Variants in IRS1 observed in about 807,000 individuals in gnomAD.
IRS1 encodes the protein insulin receptor substrate 1.
Under a neutral mutation model 65.6 loss-of-function variants are expected in IRS1, and 34 were observed. The observed-to-expected ratio is 0.52, with a 90% confidence interval of 0.39 to 0.69. The LOEUF (loss-of-function observed/expected upper bound fraction) is 0.69. IRS1 is among the 30% of genes least tolerant of loss of function. The pLI is 0.00. For missense variants in IRS1, 1,641 were observed against 1,720.2 expected (o/e 0.95, Z 0.81); for synonymous variants, 699 against 683.5 (o/e 1.02, Z -0.35).
intron 1 of IRS1, among the ~76,000 whole-genome samples, chr2:226,769,409 G>A (rs562466361): frequency 7.2e-5 from 11 of 152,246 alleles, no homozygotes; most frequent in South Asian, 2.1e-4. Context: ...AAGACTGCCC[G>A]GAGTGTCTTC....
intron 1 of IRS1, among the ~76,000 whole-genome samples, chr2:226,764,138 C>T (rs752962226): frequency 8.6e-5 from 13 of 151,836 alleles, no homozygotes; most frequent in Non-Finnish European, 1.8e-4. Flanking sequence ...TCCCCCCATA[C>T]TAGATTTCCT....
Position 226,735,297 on chromosome 2 carries a change from C to A in IRS1, c.*975G>T, listed in dbSNP as rs1938304415. 6.6e-6 allele frequency: 1 copy of A among 152,138 alleles called. No individual in the cohort carries two copies. The highest frequency in any genetic ancestry group is 2.1e-4 in the South Asian group (1 of 4,830). The allele number at this position is 152,138 out of a possible 1,614,324, so 9.4% of individuals were successfully genotyped here. ...TTTACAAACGCCCACATTGTTCATTCCAAAGAGAGCTTTTGAATTGAAGGA... is the reference window on the plus strand; with the variant it reads ...TTTACAAACGCCCACATTGTTCATTACAAAGAGAGCTTTTGAATTGAAGGA... On this transcript the variant is annotated 3_prime_UTR_variant, in exon 2 of 2. Coordinates refer to ENST00000305123, the MANE Select transcript of IRS1 (RefSeq NM_005544.3).
intron 1 of IRS1, among the ~76,000 whole-genome samples, chr2:226,786,648 A>C (rs888436002): frequency 4.6e-5 from 7 of 151,240 alleles, no homozygotes; most frequent in African/African-American, 1.7e-4. Flanking sequence ...TAAAAAAAAA[A>C]AAACAAAAAC....
intron 1 of IRS1, among the ~76,000 whole-genome samples, chr2:226,777,739 A>G (rs939701888): frequency 3.3e-5 from 5 of 152,178 alleles, no homozygotes; most frequent in African/African-American, 1.2e-4. Flanking sequence ...GCCTGCTTCC[A>G]TCCACATAAG....
At chr2:226,786,559 A>T (rs10498212) in intron 1 of IRS1, among the ~76,000 whole-genome samples, 15,888 of 151,814 alleles carry the variant, frequency 0.1, 1,052 homozygotes, top group South Asian at 0.24. Context: ...GGAAAGATAA[A>T]CAAAACCCAG....
chr2:226,764,771 G>A lies in IRS1; in HGVS notation c.*22-28521C>T, dbSNP rs142812650. ...CGCGCAATTCACCTCTTGGGTTGCC[G>A]TCGTCAAGGTTTGATTGCTCATCTA... On this transcript the variant is annotated intron_variant, in intron 1 of 1. Transcript: ENST00000305123. Among the ~76,000 whole-genome samples the A allele has an allele frequency of 1.8e-3, 277 of 152,288 alleles. 1 individual carries two copies. The highest frequency in any genetic ancestry group is 2.3e-3 in the Non-Finnish European group (157 of 68,026).
intron 1 of IRS1, among the ~76,000 whole-genome samples, chr2:226,788,193 A>G (rs1250794795): frequency 6.6e-6 from 1 of 152,142 alleles, no homozygotes; most frequent in African/African-American, 2.4e-5. Context: ...TGTAATATGC[A>G]ATATTTATAA....
At chr2:226,793,877 G>A (rs1196842592) in intron 1 of IRS1, among the ~76,000 whole-genome samples, 1 of 152,136 alleles carries the variant, frequency 6.6e-6, no homozygotes, top group Non-Finnish European at 1.5e-5. Flanking sequence ...ACGAAGGGCA[G>A]GCTAATTTCC....
chr2:226,767,180 T>A (rs1389063772), intron 1 of IRS1, among the ~76,000 whole-genome samples: 1 of 152,206 alleles, frequency 6.6e-6, no homozygotes, highest in Non-Finnish European at 1.5e-5. Context: ...AGGATTAAAA[T>A]GAACTAATAC....
chr2:226,757,332 G>A (rs1166854665), intron 1 of IRS1, among the ~76,000 whole-genome samples: 1 of 152,148 alleles, frequency 6.6e-6, no homozygotes, highest in Non-Finnish European at 1.5e-5. Flanking sequence ...AGTCTTGTGA[G>A]GCTGAGGCAC....
chr2:226,782,147 TA>T (rs747586459), intron 1 of IRS1, among the ~76,000 whole-genome samples: 2 of 151,732 alleles, frequency 1.3e-5, no homozygotes, highest in Admixed American at 6.6e-5. Flanking sequence ...AAGGGTGGGT[TA>T]GGGGGGTGGA....
In IRS1 at chr2:226,735,991, T is replaced by G. The variant is rs948171811; in HGVS notation, c.*281A>C. On this transcript the variant is annotated 3_prime_UTR_variant, in exon 2 of 2. Coordinates refer to ENST00000305123, the MANE Select transcript of IRS1 (RefSeq NM_005544.3). Reference sequence around the variant, plus strand: ...AGCTCACTGTGGCCAGCTAAGTCCTTAAGGTTGAAGATGAAGTTTATGCAG... The same window carrying G: ...AGCTCACTGTGGCCAGCTAAGTCCTGAAGGTTGAAGATGAAGTTTATGCAG... 2.0e-5 allele frequency: 3 copies of G among 152,470 alleles called. No individual in the cohort carries two copies. The highest frequency in any genetic ancestry group is 7.2e-5 in the African/African-American group (3 of 41,388). 9.4% of individuals were successfully genotyped at this position (152,470 alleles called of 1,614,324 possible).
rs544800241 is a variant in IRS1 at position 226,775,685 on chromosome 2, G to T, written c.*21+19304C>A. On this transcript the variant is annotated intron_variant, in intron 1 of 1. Transcript: ENST00000305123. ...AGTTTCCAATATAATTGTCCATCAG[G>T]TATCTGTGGGGGATTGGTTTCAGGA... Among the ~76,000 whole-genome samples the T allele has an allele frequency of 2.7e-4, 41 of 152,282 alleles. No homozygotes were observed. The South Asian group carries it at 8.3e-3, about 31-fold the overall frequency.
In IRS1 at chr2:226,799,510, A is replaced by T; in HGVS notation, c.-772T>A. The T allele has an allele frequency of 8.8e-7, 1 of 1,132,198 alleles. No homozygotes were observed. Among genetic ancestry groups the T allele is most frequent in the Non-Finnish European group, 1.1e-6 (1 of 904,194 alleles). 70.1% of individuals were successfully genotyped at this position (1,132,198 alleles called of 1,614,324 possible). On this transcript the variant is annotated 5_prime_UTR_variant, in exon 1 of 2. Coordinates refer to ENST00000305123, the MANE Select transcript of IRS1 (RefSeq NM_005544.3). This position sits in a 1 kb window ranked among gnomAD's most constrained non-coding sequence, Gnocchi z 6.1. Reference sequence around the variant, plus strand: ...GCCACTGCAGCTGGGGACCGGCCGGAGGGACAGACTCATCCCTGCCCCTCG... The same window carrying T: ...GCCACTGCAGCTGGGGACCGGCCGGTGGGACAGACTCATCCCTGCCCCTCG...
intron 1 of IRS1, among the ~76,000 whole-genome samples, chr2:226,737,905 G>A (rs997709665): frequency 6.6e-6 from 1 of 152,170 alleles, no homozygotes; most frequent in Admixed American, 6.5e-5. Flanking sequence ...AAATGAAAAG[G>A]AAAAGGACGC....
rs919423 is a variant in IRS1 at position 226,755,850 on chromosome 2, C to T, written c.*22-19600G>A. 1.0e-3 allele frequency among the ~76,000 whole-genome samples: 159 copies of T among 152,252 alleles called. 1 individual carries two copies. In the East Asian group the frequency reaches 0.025, roughly 24 times the overall value. ...GCCTTCAAGCATTAAAATGCTAATC[C>T]AACAGAAAGCAAAGCTTAAGAGCAT... On this transcript the variant is annotated intron_variant, in intron 1 of 1. Coordinates refer to ENST00000305123, the MANE Select transcript of IRS1 (RefSeq NM_005544.3).
chr2:226,796,715 A>G lies in IRS1; in HGVS notation c.2024T>C (p.Ile675Thr), dbSNP rs1316729297. ...GCTGCTGCTGCTGGGGCCACCTCCAATGTCAGGAGAGCAGCCACCGCTGGG... is the reference window on the plus strand; with the variant it reads ...GCTGCTGCTGCTGGGGCCACCTCCAGTGTCAGGAGAGCAGCCACCGCTGGG... ...MSPSGGCSPD[I>T]GGGPSSSSSS... The change falls in exon 1 of 2, where the codon ATT becomes ACT. Residue 675 changes from isoleucine (I) to threonine (T), a missense_variant. Physicochemically the swap from Ile to Thr is moderately conservative, Grantham distance 89 (BLOSUM62 -1). Around this residue, in one of 3 missense-constraint regions of IRS1, gnomAD observed 1,324 missense variants for 1,361.0 expected, o/e 0.97. Transcript: ENST00000305123. The G allele has an allele frequency of 1.2e-6, 2 of 1,613,288 alleles. No individual in the cohort carries two copies. Among genetic ancestry groups the G allele is most frequent in the African/African-American group, 1.3e-5 (1 of 74,868 alleles).
intron 1 of IRS1, among the ~76,000 whole-genome samples, chr2:226,765,948 A>G (rs921372601): frequency 4.8e-4 from 73 of 151,136 alleles, no homozygotes; most frequent in Middle Eastern, 3.4e-3. Flanking sequence ...TGAATCTACT[A>G]GAAAATTCTT....
rs1281709519 is a variant in IRS1, at chr2:226,732,670, C to CAT, written c.*3600_*3601dup. On this transcript the variant is annotated 3_prime_UTR_variant, in exon 2 of 2. Transcript: ENST00000305123. ...CACACACAAAGACACACACATGTCA[C>CAT]ATATATATACACACACACATATATA... The CAT allele has an allele frequency of 6.7e-6, 1 of 149,340 alleles. No homozygotes were observed. Among genetic ancestry groups the CAT allele is most frequent in the South Asian group, 2.1e-4 (1 of 4,750 alleles). 9.3% of individuals were successfully genotyped at this position (149,340 alleles called of 1,614,324 possible). A position where few individuals can be genotyped will look rare whatever the true frequency, so the allele number is the denominator to read the frequency against.
Sources: allele counts gnomAD v4.1 joint callset (sites outside exome capture counted in the v4.1 genomes callset), GRCh38; gene constraint gnomAD v4.1.1; regional missense constraint gnomAD v4.1.1; non-coding constraint Gnocchi (gnomAD v3.1); transcripts MANE v1.5; gene names NCBI Gene and HGNC (gene_info 2026-07-23, HGNC 2026-07-21).